SERPINB5: variants seen among roughly 807,000 people sequenced by gnomAD.
SERPINB5 encodes serpin family B member 5.
In SERPINB5, 27 loss-of-function variants were observed where a neutral mutation model predicts 32.2. That is an observed-to-expected ratio of 0.84 (90% CI 0.62 to 1.16). The LOEUF is 1.16. SERPINB5 is among the 50% of genes most tolerant of loss of function. The pLI is 0.00. For missense variants in SERPINB5, 388 were observed against 436.3 expected, an observed-to-expected ratio of 0.89 and a Z score of 0.99; for synonymous variants, 154 against 157.4, an observed-to-expected ratio of 0.98 and a Z score of 0.16.
At chr18:63,480,476 C>G (rs996536966) in intron 1 of SERPINB5, among the ~76,000 whole-genome samples, 3 of 152,218 alleles carry the variant, frequency 2.0e-5, no homozygotes, top group Non-Finnish European at 4.4e-5. Flanking sequence ...GCACTTTCAA[C>G]AGAAGTCATT....
In SERPINB5 at chr18:63,504,187, G is replaced by C. The variant is rs773324599; in HGVS notation, c.*465G>C. 1 of 164,148 alleles carries C rather than the reference G, an allele frequency of 6.1e-6. No homozygotes were observed. Among genetic ancestry groups the C allele is most frequent in the Non-Finnish European group, 1.3e-5 (1 of 76,798 alleles). 10.2% of individuals were successfully genotyped at this position (164,148 alleles called of 1,614,324 possible). A position where few individuals can be genotyped will look rare whatever the true frequency, so the allele number is the denominator to read the frequency against. On this transcript the variant is annotated 3_prime_UTR_variant, in exon 7 of 7. Transcript: ENST00000382771. ...GACCCACGAAACTGCCCTGGCTCCAGTGAAACTTGGGCACATGCTCAGGCT... is the reference window on the plus strand; with the variant it reads ...GACCCACGAAACTGCCCTGGCTCCACTGAAACTTGGGCACATGCTCAGGCT...
At chr18:63,494,321 CAA>C (rs372412366) in intron 5 of SERPINB5, among the ~76,000 whole-genome samples, 387 of 46,650 alleles carry the variant, frequency 8.3e-3, no homozygotes, top group African/African-American at 0.03. Flanking sequence ...GACTCCATCT[CAA>C]AAAAAAAAAA....
In SERPINB5 at chr18:63,503,811, C is replaced by T. The variant is rs1909622744; in HGVS notation, c.*89C>T. 7.5e-7 allele frequency: 1 copy of T among 1,340,950 alleles called. No homozygotes were observed. Among genetic ancestry groups the T allele is most frequent in the Non-Finnish European group, 1.0e-6 (1 of 957,794 alleles). 83.1% of individuals were successfully genotyped at this position (1,340,950 alleles called of 1,614,324 possible). On this transcript the variant is annotated 3_prime_UTR_variant, in exon 7 of 7. Transcript: ENST00000382771. ...CATCCAGAGATTCATTTTCTAGATA[C>T]AATAAATTGCTAATGTTGCTGGATC...
intron 4 of SERPINB5, 148 bp from the exon 5 acceptor site, chr18:63,492,805 G>A: frequency 1.1e-6 from 1 of 943,694 alleles, no homozygotes; most frequent in Non-Finnish European, 1.6e-6. Context: ...AGAGAAAGGA[G>A]TCCTTCTGAA....
Position 63,479,437 on chromosome 18 carries a change from G to A in SERPINB5, c.-8+2392G>A, listed in dbSNP as rs1012583700. On this transcript the variant is annotated intron_variant, in intron 1 of 6. Coordinates refer to ENST00000382771, the MANE Select transcript of SERPINB5 (RefSeq NM_002639.5). ...TGAGCACGGCCCTACCCCCAGCCCA[G>A]TACATGCGTCTCCATTCACTGGGGC... Among the ~76,000 whole-genome samples the A allele has an allele frequency of 3.3e-5, 5 of 152,314 alleles. No homozygotes were observed. The East Asian group carries it at 7.7e-4, about 24-fold the overall frequency.
In SERPINB5 at chr18:63,499,190, A is replaced by C. The variant is rs763204834; in HGVS notation, c.638A>C (p.Asn213Thr). 3 of 1,603,304 alleles carry C rather than the reference A, an allele frequency of 1.9e-6. No homozygotes were observed. The highest frequency in any genetic ancestry group is 2.7e-5 in the African/African-American group (2 of 74,652). ...TFCMGNIDSI[N>T]CKIIELPFQN... Reference sequence around the variant, plus strand: ...TGTATGGGAAACATTGACAGTATCAATTGTAAGATCATAGAGCTTCCTTTT... The same window carrying C: ...TGTATGGGAAACATTGACAGTATCACTTGTAAGATCATAGAGCTTCCTTTT... The change falls in exon 6 of 7, where the codon AAT (asparagine) becomes ACT (threonine). Residue 213 changes from asparagine (N) to threonine (T), a missense_variant. Asn to Thr is a moderately conservative substitution (Grantham distance 65, BLOSUM62 0). Transcript: ENST00000382771.
intron 4 of SERPINB5, among the ~76,000 whole-genome samples, chr18:63,492,107 A>G (rs531421497): frequency 1.7e-4 from 26 of 152,342 alleles, no homozygotes; most frequent in Non-Finnish European, 3.5e-4. Flanking sequence ...AGGTGAATGA[A>G]AACCCTTTAT....
intron 1 of SERPINB5, among the ~76,000 whole-genome samples, chr18:63,478,279 T>G (rs959224433): frequency 6.6e-6 from 1 of 152,190 alleles, no homozygotes; most frequent in African/African-American, 2.4e-5. Flanking sequence ...AGTCTGGCTG[T>G]AAGTTTACTG....
At chr18:63,481,723 T>C (rs771072149) in intron 1 of SERPINB5, among the ~76,000 whole-genome samples, 16 of 152,190 alleles carry the variant, frequency 1.1e-4, no homozygotes, top group Non-Finnish European at 4.4e-5. Flanking sequence ...CCCCAAACCT[T>C]TTGTGAAGAG....
chr18:63,484,741 CT>C (rs869236018), intron 2 of SERPINB5, 145 bp downstream of exon 2: 3,524 of 107,916 alleles, frequency 0.033, 2 homozygotes, highest in South Asian at 0.097. Flanking sequence ...CTCTCTTAAT[CT>C]TTTTTTTTTT....
chr18:63,486,890 A>C, intron 2 of SERPINB5, 56 bp from the exon 3 acceptor site: 1 of 1,584,738 alleles, frequency 6.3e-7, no homozygotes, highest in East Asian at 2.2e-5. Flanking sequence ...TGTCCACTTC[A>C]GTACAGCACT....
intron 5 of SERPINB5, chr18:63,497,166 C>A: frequency 1.5e-6 from 1 of 658,360 alleles, no homozygotes; most frequent in South Asian, 1.4e-5. Flanking sequence ...ACCAGGTTGT[C>A]TCCTGGGACA....
intron 1 of SERPINB5, among the ~76,000 whole-genome samples, chr18:63,478,243 C>T (rs961494269): frequency 3.9e-5 from 6 of 152,136 alleles, no homozygotes; most frequent in Non-Finnish European, 1.5e-5. Context: ...GCAGTCTCAG[C>T]GATTTGGGCC....
At chr18:63,485,196 A>C (rs1176689399) in intron 2 of SERPINB5, among the ~76,000 whole-genome samples, 3 of 152,194 alleles carry the variant, frequency 2.0e-5, no homozygotes, top group Non-Finnish European at 4.4e-5. Context: ...CCTCATCATA[A>C]ATCAAGCAGC....
In SERPINB5 at chr18:63,504,249, A is replaced by G. The variant is rs1300823839; in HGVS notation, c.*527A>G. On this transcript the variant is annotated 3_prime_UTR_variant, in exon 7 of 7. Coordinates refer to ENST00000382771, the MANE Select transcript of SERPINB5 (RefSeq NM_002639.5). ...AGAAGTCCTTATGTTAAGCCCTGGC[A>G]GGCAGGTGTTTATTAAAATTCTGAA... 6.5e-6 allele frequency: 1 copy of G among 153,488 alleles called. No homozygotes were observed. Among genetic ancestry groups the G allele is most frequent in the Non-Finnish European group, 1.5e-5 (1 of 68,948 alleles). The allele number at this position is 153,488 out of a possible 1,614,324, so 9.5% of individuals were successfully genotyped here.
At chr18:63,499,567 C>G (rs1427397937) in intron 6 of SERPINB5, among the ~76,000 whole-genome samples, 7 of 152,228 alleles carry the variant, frequency 4.6e-5, no homozygotes, top group Non-Finnish European at 1.5e-5. Flanking sequence ...GAGTTAGAGA[C>G]TGTTACCACA....
chr18:63,492,886 C>G (rs1909370105), intron 4 of SERPINB5, 67 bp from the exon 5 acceptor site: 1 of 1,549,362 alleles, frequency 6.5e-7, no homozygotes, highest in East Asian at 2.2e-5. Flanking sequence ...AGTGAATATG[C>G]ATGTGAATTT....
chr18:63,496,443 C>A (rs1909449514), intron 5 of SERPINB5, among the ~76,000 whole-genome samples: 1 of 152,136 alleles, frequency 6.6e-6, no homozygotes, highest in African/African-American at 2.4e-5. Flanking sequence ...TGAGAAACTA[C>A]AAGCTGGGGT....
intron 5 of SERPINB5, among the ~76,000 whole-genome samples, chr18:63,495,188 A>G (rs1478147308): frequency 6.6e-6 from 1 of 152,264 alleles, no homozygotes; most frequent in Non-Finnish European, 1.5e-5. Flanking sequence ...TTGACCCTGC[A>G]CACAAGAGGT....
Sources: allele counts gnomAD v4.1 joint callset (sites outside exome capture counted in the v4.1 genomes callset), GRCh38; gene constraint gnomAD v4.1.1; transcripts MANE v1.5; gene names NCBI Gene and HGNC (gene_info 2026-07-23, HGNC 2026-07-21).